Variants in NOVA1 observed in about 807,000 individuals in gnomAD.
The protein encoded by NOVA1 is RNA-binding protein Nova-1.
NOVA1 carries 7 observed loss-of-function variants against 38.0 expected under a neutral mutation model. The observed-to-expected ratio is 0.18, with a 90% CI of 0.10 to 0.35. The LOEUF (loss-of-function observed/expected upper bound fraction) is 0.35. Among genes scored for constraint, NOVA1 ranks in the 10% least tolerant of loss-of-function variants. The pLI, the probability that NOVA1 is intolerant of heterozygous loss-of-function variation, is 1.00. For synonymous variants in NOVA1, 270 were observed against 232.5 expected, an observed-to-expected ratio of 1.16 and a Z score of -1.47; for missense variants, 460 against 616.0, an observed-to-expected ratio of 0.75 and a Z score of 2.68.
In NOVA1 at chr14:26,492,526, T is replaced by C. The variant is rs1886422484; in HGVS notation, c.281-12383A>G. ...TTCCTTTTACCATTTTAACAAAAAA[T>C]GTGTAATGTTTTATCACGAAAAAAA... On this transcript the variant is annotated intron_variant, in intron 2 of 4. Coordinates refer to ENST00000539517, the MANE Select transcript of NOVA1 (RefSeq NM_002515.3). Among the ~76,000 whole-genome samples the C allele has an allele frequency of 2.0e-5, 3 of 152,208 alleles. No homozygotes were observed. In the South Asian group the frequency reaches 6.2e-4, roughly 31 times the overall value.
intron 2 of NOVA1, among the ~76,000 whole-genome samples, chr14:26,576,220 T>C (rs1892831788): frequency 6.6e-6 from 1 of 151,914 alleles, no homozygotes; most frequent in Non-Finnish European, 1.5e-5. Flanking sequence ...CTTCTAAGAA[T>C]GATAGATTTT....
intron 4 of NOVA1, among the ~76,000 whole-genome samples, chr14:26,449,226 G>A (rs1362505224): frequency 6.6e-6 from 1 of 151,994 alleles, no homozygotes; most frequent in African/African-American, 2.4e-5. Flanking sequence ...TTTTGCAACA[G>A]AATTTATAAG....
chr14:26,489,556 G>A (rs1352180164), intron 2 of NOVA1, among the ~76,000 whole-genome samples: 2 of 151,482 alleles, frequency 1.3e-5, no homozygotes, highest in African/African-American at 4.8e-5. Context: ...TATAGTTTTA[G>A]GATGCTAAGA....
intron 2 of NOVA1, among the ~76,000 whole-genome samples, chr14:26,565,384 A>C (rs1001652039): frequency 7.2e-5 from 11 of 152,140 alleles, no homozygotes; most frequent in Non-Finnish European, 1.2e-4. Context: ...AGTCATAAAG[A>C]CATTCTTTCG....
At chr14:26,572,226 T>C (rs747267671) in intron 2 of NOVA1, among the ~76,000 whole-genome samples, 4 of 152,158 alleles carry the variant, frequency 2.6e-5, no homozygotes, top group Non-Finnish European at 5.9e-5. Context: ...GGAAGATTAA[T>C]TCAAGGTACA....
intron 4 of NOVA1, among the ~76,000 whole-genome samples, chr14:26,456,299 T>C (rs1379281858): frequency 6.6e-6 from 1 of 151,978 alleles, no homozygotes. Flanking sequence ...TTCTATTTTA[T>C]CCATTTTAAG....
rs759913675 is a variant in NOVA1 at position 26,448,559 on chromosome 14, T to C, written c.924A>G (p.Thr308=). 1 of 1,614,188 alleles carries C rather than the reference T, an allele frequency of 6.2e-7. No individual in the cohort carries two copies. The highest frequency in any genetic ancestry group is 8.5e-7 in the Non-Finnish European group (1 of 1,180,030). The change falls in exon 5 of 5, where the codon ACA becomes ACG. Residue 308 remains threonine (T), a synonymous_variant. Coordinates refer to ENST00000539517, the MANE Select transcript of NOVA1 (RefSeq NM_002515.3). This position sits in a 1 kb window ranked among gnomAD's most constrained non-coding sequence, Gnocchi z 5.3. ...AGGTGATGGCCACCAGGTCATTGCC[T>C]GTGAAGCCAGATAAAACTGCTGGAA... is the stretch of plus-strand genomic sequence containing the variant. The part of the protein sequence containing the change: ...AAFPAVLSGF[T]GNDLVAITSA...
At chr14:26,535,786 T>C (rs1462613672) in intron 2 of NOVA1, among the ~76,000 whole-genome samples, 1 of 150,128 alleles carries the variant, frequency 6.7e-6, no homozygotes, top group African/African-American at 2.5e-5. Context: ...TGAAAACCCG[T>C]CTCTACTAAA....
chr14:26,485,033 C>G (rs1169575509), intron 2 of NOVA1, among the ~76,000 whole-genome samples: 3 of 151,396 alleles, frequency 2.0e-5, no homozygotes, highest in African/African-American at 7.3e-5. Flanking sequence ...AAATAAAACA[C>G]AGAGAAAGAA....
chr14:26,449,014 C>A, intron 4 of NOVA1, 51 bp from the exon 5 acceptor site: 1 of 1,460,790 alleles, frequency 6.8e-7, no homozygotes, highest in East Asian at 2.3e-5. Flanking sequence ...TGTGCATATA[C>A]ATTATATTAC....
At chr14:26,480,680 C>A (rs1047780960) in intron 2 of NOVA1, among the ~76,000 whole-genome samples, 2 of 149,894 alleles carry the variant, frequency 1.3e-5, no homozygotes, top group African/African-American at 2.5e-5. Context: ...TTTTTTTTTA[C>A]TTTTTCACTA....
At chr14:26,518,477 T>C (rs1394134284) in intron 2 of NOVA1, among the ~76,000 whole-genome samples, 2 of 152,078 alleles carry the variant, frequency 1.3e-5, no homozygotes, top group Non-Finnish European at 2.9e-5. Flanking sequence ...AAATTTCACA[T>C]TTCTTGCTTT....
intron 2 of NOVA1, among the ~76,000 whole-genome samples, chr14:26,501,978 A>G (rs1191749591): frequency 6.6e-6 from 1 of 152,016 alleles, no homozygotes; most frequent in Non-Finnish European, 1.5e-5. Flanking sequence ...AGCAAGGACT[A>G]TGTATAAATA....
chr14:26,467,816 T>C (rs2138234514), intron 4 of NOVA1, among the ~76,000 whole-genome samples: 1 of 152,298 alleles, frequency 6.6e-6, no homozygotes, highest in African/African-American at 2.4e-5. Context: ...TTGTGGAAGT[T>C]ACTTTTGATT....
At chr14:26,490,842 G>GTTTTT (rs71121880) in intron 2 of NOVA1, among the ~76,000 whole-genome samples, 23 of 70,826 alleles carry the variant, frequency 3.2e-4, no homozygotes, top group Non-Finnish European at 4.3e-4. Context: ...CATCTGGCTA[G>GTTTTT]TTTTTTTTTT....
chr14:26,520,360 C>T (rs939012201), intron 2 of NOVA1, among the ~76,000 whole-genome samples: 1 of 152,116 alleles, frequency 6.6e-6, no homozygotes, highest in Non-Finnish European at 1.5e-5. Flanking sequence ...TTGGTATCCA[C>T]GAAGGTGCTG....
At chr14:26,571,558 C>T (rs1305711826) in intron 2 of NOVA1, among the ~76,000 whole-genome samples, 3 of 152,222 alleles carry the variant, frequency 2.0e-5, no homozygotes, top group South Asian at 2.1e-4. Flanking sequence ...TCCACAAGAG[C>T]GAGGAGGCTC....
intron 2 of NOVA1, among the ~76,000 whole-genome samples, chr14:26,591,749 C>G (rs1192531360): frequency 6.6e-6 from 1 of 151,364 alleles, no homozygotes; most frequent in Admixed American, 6.6e-5. Flanking sequence ...GTCTTTCCTT[C>G]CCTACAAAAA....
chr14:26,527,978 C>T (rs1204565850), intron 2 of NOVA1, among the ~76,000 whole-genome samples: 2 of 152,154 alleles, frequency 1.3e-5, no homozygotes, highest in Non-Finnish European at 2.9e-5. Context: ...AACGGCTTGG[C>T]TCCCAGAGGC....
Sources: gnomAD v4.1 joint callset for allele counts (sites outside exome capture counted in the v4.1 genomes callset) on GRCh38, gnomAD v4.1.1 for gene constraint, Gnocchi (gnomAD v3.1) non-coding constraint, MANE v1.5 for transcripts, NCBI Gene and HGNC (gene_info 2026-07-23, HGNC 2026-07-21) for gene names.